The following STT3B variants were observed in gnomAD, a reference collection of about 807,000 sequenced individuals.
STT3B encodes STT3 oligosaccharyltransferase complex catalytic subunit B.
Under a neutral mutation model 96.8 loss-of-function variants are expected in STT3B, and 29 were observed. The ratio of observed to expected loss-of-function variants is 0.30; its 90% CI spans 0.22 to 0.41. The LOEUF is 0.41. Ranked by LOEUF, STT3B falls within the 10% of genes least tolerant of loss-of-function variation. The probability of loss-of-function intolerance (pLI) is 1.00; values close to 1 mark genes in which losing one functional copy is unlikely to be tolerated. For synonymous variants in STT3B, 367 were observed against 360.0 expected, an observed-to-expected ratio of 1.02 and a Z score of -0.22; for missense variants, 640 against 1,022.3, an observed-to-expected ratio of 0.63 and a Z score of 5.10.
chr3:31,615,754 C>T (rs1699293346), intron 6 of STT3B, among the ~76,000 whole-genome samples: 1 of 151,916 alleles, frequency 6.6e-6, no homozygotes, highest in Non-Finnish European at 1.5e-5. Context: ...ATTTCCTAAA[C>T]TCTAAATCTT....
At chr3:31,605,911 C>T (rs1446586179) in intron 5 of STT3B, among the ~76,000 whole-genome samples, 2 of 152,114 alleles carry the variant, frequency 1.3e-5, no homozygotes, top group Non-Finnish European at 2.9e-5. Context: ...CCAAAATGCT[C>T]ATAATGATAT....
Position 31,637,396 on chromosome 3 carries a change from A to G in STT3B, c.*1332A>G, listed in dbSNP as rs555694932. The G allele has an allele frequency of 2.1e-4, 32 of 152,298 alleles. No individual in the cohort carries two copies. Among genetic ancestry groups the G allele is most frequent in the African/African-American group, 7.7e-4 (32 of 41,578 alleles). The allele number at this position is 152,298 out of a possible 1,614,324, so 9.4% of individuals were successfully genotyped here. A position where few individuals can be genotyped will look rare whatever the true frequency, so the allele number is the denominator to read the frequency against. Reference sequence around the variant, plus strand: ...AATGTTACTGCTGATTTTCTTTTCCAAGGTGTAGAATATTCTTTGATTTAT... The same window carrying G: ...AATGTTACTGCTGATTTTCTTTTCCGAGGTGTAGAATATTCTTTGATTTAT... On this transcript the variant is annotated 3_prime_UTR_variant, in exon 16 of 16. Transcript: ENST00000295770.
At chr3:31,542,804 C>G (rs1465232590) in intron 1 of STT3B, among the ~76,000 whole-genome samples, 1 of 152,134 alleles carries the variant, frequency 6.6e-6, no homozygotes, top group Non-Finnish European at 1.5e-5. Context: ...GGTGTGGTGG[C>G]TCACGCCTGT....
intron 1 of STT3B, among the ~76,000 whole-genome samples, chr3:31,534,023 T>A (rs1004402979): frequency 6.6e-6 from 1 of 152,376 alleles, no homozygotes; most frequent in East Asian, 1.9e-4. Flanking sequence ...AGTGGCTTTT[T>A]TTCAGAGCTC....
chr3:31,622,486 C>T (rs1699450907), intron 10 of STT3B, among the ~76,000 whole-genome samples, 178 bp downstream of exon 10: 1 of 152,082 alleles, frequency 6.6e-6, no homozygotes, highest in African/African-American at 2.4e-5. Flanking sequence ...TCCTTTAGCT[C>T]AGAGTTAGAA....
chr3:31,533,181 G>C lies in STT3B; in HGVS notation c.183G>C (p.Gly61=). The C allele has an allele frequency of 7.0e-7, 1 of 1,419,486 alleles. No homozygotes were observed. The highest frequency in any genetic ancestry group is 1.5e-5 in the South Asian group (1 of 68,378). The allele number at this position is 1,419,486 out of a possible 1,614,324, so 87.9% of individuals were successfully genotyped here. A position where few individuals can be genotyped will look rare whatever the true frequency, so the allele number is the denominator to read the frequency against. The part of the protein sequence containing the change: ...PKPAPAGLSG[G]LSQPAGWQSL... ...CGGCCCCGGCGGGGCTGTCCGGGGG[G>C]CTGTCGCAGCCGGCTGGGTGGCAGT... Residue 61 remains glycine, a synonymous_variant, in exon 1 of 16, where the codon GGG becomes GGC. Coordinates refer to ENST00000295770, the MANE Select transcript of STT3B (RefSeq NM_178862.3).
chr3:31,542,592 A>T (rs899568852), intron 1 of STT3B, among the ~76,000 whole-genome samples: 4 of 152,350 alleles, frequency 2.6e-5, no homozygotes, highest in Admixed American at 2.6e-4. Context: ...GGGTATACGT[A>T]CTGTATCCCA....
rs185325530 is a variant in STT3B, at chr3:31,601,217, G to A, written c.877+758G>A. 2.3e-3 allele frequency among the ~76,000 whole-genome samples: 357 copies of A among 152,194 alleles called. 2 individuals are homozygous for A. The highest frequency in any genetic ancestry group is 8.1e-3 in the African/African-American group (336 of 41,528). Reference sequence around the variant, plus strand: ...TCCTAGGTATTTACCCAAGAGAACCGAAAACATATATTCATACAAAAGCTT... The same window carrying A: ...TCCTAGGTATTTACCCAAGAGAACCAAAAACATATATTCATACAAAAGCTT... On this transcript the variant is annotated intron_variant, in intron 5 of 15. Transcript: ENST00000295770.
At chr3:31,565,457 G>C (rs1212732385) in intron 1 of STT3B, among the ~76,000 whole-genome samples, 2 of 152,194 alleles carry the variant, frequency 1.3e-5, no homozygotes, top group African/African-American at 4.8e-5. Flanking sequence ...TGATAATGAA[G>C]TGTACACATA....
chr3:31,552,560 A>G (rs542183350), intron 1 of STT3B, among the ~76,000 whole-genome samples: 1 of 152,002 alleles, frequency 6.6e-6, no homozygotes, highest in Admixed American at 6.5e-5. Flanking sequence ...AACTTGTTCT[A>G]TCTTTATTTT....
At chr3:31,586,485 A>G (rs1698539482) in intron 3 of STT3B, among the ~76,000 whole-genome samples, 1 of 151,894 alleles carries the variant, frequency 6.6e-6, no homozygotes, top group East Asian at 1.9e-4. Context: ...AATCACAAAG[A>G]TTGTCTCATG....
At chr3:31,584,882 G>A (rs1468731777) in intron 3 of STT3B, among the ~76,000 whole-genome samples, 1 of 152,028 alleles carries the variant, frequency 6.6e-6, no homozygotes, top group African/African-American at 2.4e-5. Context: ...AATTATAATA[G>A]ATGATGACAT....
rs562518923 is a variant in STT3B, at chr3:31,622,013, T to C, written c.1328-84T>C. On this transcript the variant is annotated intron_variant, in intron 9 of 15. Transcript: ENST00000295770. The stretch of plus-strand genomic sequence containing the variant: ...TGTGAGACATTTATATAATTCCAGG[T>C]TGGTTTTATAGTTTTAAGTATCTAG... 152 of 743,742 alleles carry C rather than the reference T, an allele frequency of 2.0e-4. No individual in the cohort carries two copies. The East Asian group carries it at 4.2e-3, about 20-fold the overall frequency. 46.1% of individuals were successfully genotyped at this position (743,742 alleles called of 1,614,324 possible).
intron 7 of STT3B, among the ~76,000 whole-genome samples, chr3:31,617,694 T>C (rs1398995836): frequency 6.6e-6 from 1 of 152,018 alleles, no homozygotes; most frequent in African/African-American, 2.4e-5. Flanking sequence ...TGGAAAACTT[T>C]CTACAACTTT....
At chr3:31,617,333 T>C (rs767092241) in intron 7 of STT3B, among the ~76,000 whole-genome samples, 1 of 151,824 alleles carries the variant, frequency 6.6e-6, no homozygotes, top group African/African-American at 2.4e-5. Context: ...TTACCTGTTA[T>C]ATGCTCACCT....
At chr3:31,618,391 A>G (rs1699357003) in intron 8 of STT3B, among the ~76,000 whole-genome samples, 2 of 151,720 alleles carry the variant, frequency 1.3e-5, no homozygotes, top group South Asian at 4.1e-4. Context: ...TTCTAATACC[A>G]TCTGATCTAA....
At chr3:31,610,153 C>T (rs1699151095) in intron 5 of STT3B, among the ~76,000 whole-genome samples, 1 of 151,924 alleles carries the variant, frequency 6.6e-6, no homozygotes, top group Non-Finnish European at 1.5e-5. Context: ...TATTCTTTAT[C>T]CTGCATATCT....
chr3:31,539,236 G>A (rs1298599960), intron 1 of STT3B, among the ~76,000 whole-genome samples: 2 of 152,068 alleles, frequency 1.3e-5, no homozygotes, highest in African/African-American at 4.8e-5. Context: ...CTAAACAATT[G>A]TGACTGTTGG....
At chr3:31,596,912 G>A (rs764420177) in intron 4 of STT3B, 49 bp downstream of exon 4, 2 of 1,323,178 alleles carry the variant, frequency 1.5e-6, no homozygotes, top group Admixed American at 2.0e-5. Flanking sequence ...GTCTCTGGAG[G>A]TTAAAACAGT....
Sources: gnomAD v4.1 joint callset for allele counts (sites outside exome capture counted in the v4.1 genomes callset) on GRCh38, gnomAD v4.1.1 for gene constraint, MANE v1.5 for transcripts, NCBI Gene and HGNC (gene_info 2026-07-23, HGNC 2026-07-21) for gene names.